The following ABLIM2 variants were observed in gnomAD, a reference collection of about 807,000 sequenced individuals.
The protein encoded by ABLIM2 is actin binding LIM protein family member 2.
ABLIM2 carries 53 observed loss-of-function variants against 97.7 expected under a neutral mutation model. That is an observed-to-expected ratio of 0.54 (90% confidence interval 0.44 to 0.68). The LOEUF is 0.68. Ranked by LOEUF, ABLIM2 falls within the 30% of genes least tolerant of loss-of-function variation. The pLI, the probability that ABLIM2 is intolerant of heterozygous loss-of-function variation, is 0.00. For missense variants in ABLIM2, 835 were observed against 867.2 expected, an observed-to-expected ratio of 0.96 and a Z score of 0.47; for synonymous variants, 361 against 345.8, an observed-to-expected ratio of 1.04 and a Z score of -0.49.
At chr4:8,065,591 C>A (rs1241836659) in intron 6 of ABLIM2, among the ~76,000 whole-genome samples, 1 of 152,134 alleles carries the variant, frequency 6.6e-6, no homozygotes. Flanking sequence ...GAAATTCACT[C>A]TTTGGCATTT....
At chr4:8,060,768 T>C (rs967040256) in intron 7 of ABLIM2, among the ~76,000 whole-genome samples, 199 bp downstream of exon 7, 5 of 152,138 alleles carry the variant, frequency 3.3e-5, no homozygotes, top group African/African-American at 4.8e-5. Context: ...GCTGAGATCA[T>C]TGGACAGACA....
chr4:8,053,001 C>CCT (rs1797014696), intron 8 of ABLIM2, among the ~76,000 whole-genome samples: 1 of 152,196 alleles, frequency 6.6e-6, no homozygotes, highest in African/African-American at 2.4e-5. Context: ...TTAGGGGTGT[C>CCT]CTCAGGTCCT....
chr4:8,029,116 C>T (rs187750439), intron 11 of ABLIM2, among the ~76,000 whole-genome samples: 213 of 152,304 alleles, frequency 1.4e-3, no homozygotes, highest in Non-Finnish European at 1.7e-3. Context: ...GGACCTGTCT[C>T]GGGGCTCTCT....
rs764434718 is a variant in ABLIM2 at position 8,120,016 on chromosome 4, G to A, written c.11-13379C>T. Among the ~76,000 whole-genome samples the A allele has an allele frequency of 1.2e-4, 19 of 152,188 alleles. No homozygotes were observed. Among genetic ancestry groups the A allele is most frequent in the Non-Finnish European group, 7.3e-5 (5 of 68,034 alleles). ...CCTATTTTGAGGCAGGGGTCCATGA[G>A]GACAAAGTCACTCTTGGCCACAAAT... On this transcript the variant is annotated intron_variant, in intron 1 of 20. Transcript: ENST00000447017. This position sits in a 1 kb window ranked among gnomAD's most constrained non-coding sequence, Gnocchi z 5.6.
intron 7 of ABLIM2, among the ~76,000 whole-genome samples, chr4:8,056,672 C>A (rs1479649435): frequency 6.6e-6 from 1 of 151,854 alleles, no homozygotes; most frequent in Non-Finnish European, 1.5e-5. Flanking sequence ...GTGGCTCACA[C>A]CTGTAATCCC....
intron 9 of ABLIM2, among the ~76,000 whole-genome samples, chr4:8,036,623 C>T (rs887081304): frequency 8.5e-5 from 13 of 152,176 alleles, no homozygotes; most frequent in Non-Finnish European, 1.6e-4. Context: ...GTCCTGAGGC[C>T]CAGCCACAAA....
chr4:8,006,036 C>G (rs1206486249), intron 16 of ABLIM2, among the ~76,000 whole-genome samples: 2 of 149,772 alleles, frequency 1.3e-5, no homozygotes, highest in African/African-American at 4.9e-5. Context: ...GCACACATGC[C>G]CTTGCCGCTG....
rs1300771169 is a variant in ABLIM2, at chr4:7,966,546, C to T, written c.*444G>A. ...AGTCTGCCTGTGAGGCCAGGCTGCC[C>T]AGGCTCCGAAGGGCCGTGTGCCCAC... On this transcript the variant is annotated 3_prime_UTR_variant, in exon 21 of 21. Coordinates refer to ENST00000447017, the MANE Select transcript of ABLIM2 (RefSeq NM_001130083.2). The T allele has an allele frequency of 1.8e-5, 3 of 165,240 alleles. No individual in the cohort carries two copies. The highest frequency in any genetic ancestry group is 4.0e-5 in the Non-Finnish European group (3 of 75,744). 10.2% of individuals were successfully genotyped at this position (165,240 alleles called of 1,614,324 possible).
At chr4:7,967,240 C>G (rs1723604202) in intron 20 of ABLIM2, 137 bp from the exon 21 acceptor site, 1 of 717,500 alleles carries the variant, frequency 1.4e-6, no homozygotes, top group African/African-American at 1.7e-5. Flanking sequence ...GCTCGGCCTC[C>G]TGGCGGTTCC....
In ABLIM2 at chr4:8,020,165, A is replaced by G. The variant is rs374237575; in HGVS notation, c.1369+37T>C. On this transcript the variant is annotated intron_variant, in intron 13 of 20. Transcript: ENST00000447017. ...GGCCAGTTTCGGTGTGGACAGTTTCAGTGTAAGGAGCCCAGCCAGCGTGTC... is the reference window on the plus strand; with the variant it reads ...GGCCAGTTTCGGTGTGGACAGTTTCGGTGTAAGGAGCCCAGCCAGCGTGTC... 1,186 of 1,583,882 alleles carry G rather than the reference A, an allele frequency of 7.5e-4. 10 individuals are homozygous for G. The highest frequency in any genetic ancestry group is 6.3e-3 in the South Asian group (544 of 86,838).
rs555351294 is a variant in ABLIM2 at position 8,130,969 on chromosome 4, C to T, written c.11-24332G>A. Among the ~76,000 whole-genome samples, 1 of 152,242 alleles carries T rather than the reference C, an allele frequency of 6.6e-6. No homozygotes were observed. Among genetic ancestry groups the T allele is most frequent in the South Asian group, 2.1e-4 (1 of 4,828 alleles). ...CTAGGGGAGGCTGCCGTTACCTCGC[C>T]CTGCTCTTGGGGCAGCCTGCATTTC... On this transcript the variant is annotated intron_variant, in intron 1 of 20. Transcript: ENST00000447017. The surrounding 1 kb of genome is among the most constrained non-coding windows in gnomAD (Gnocchi z 4.2).
chr4:8,047,309 C>T (rs1247026008), intron 8 of ABLIM2, among the ~76,000 whole-genome samples: 2 of 152,148 alleles, frequency 1.3e-5, no homozygotes, highest in Admixed American at 6.5e-5. Flanking sequence ...TCTCCATGCC[C>T]CGTGTCTCCT....
intron 9 of ABLIM2, among the ~76,000 whole-genome samples, chr4:8,041,982 A>ACAG (rs1788971143): frequency 1.3e-5 from 2 of 152,194 alleles, no homozygotes; most frequent in African/African-American, 4.8e-5. Flanking sequence ...AACAGCAGCA[A>ACAG]CAACAGCAAC....
At position 8,082,449 on chromosome 4, in the gene ABLIM2, T is replaced by G. The variant is rs940269926; in HGVS notation, c.455-1647A>C. Reference sequence around the variant, plus strand: ...AACAGTGAGCATCGGCGAGACCCCCTGTGGGCCTGCTGTGCGGTGAGAGCT... The same window carrying G: ...AACAGTGAGCATCGGCGAGACCCCCGGTGGGCCTGCTGTGCGGTGAGAGCT... On this transcript the variant is annotated intron_variant, in intron 4 of 20. Coordinates refer to ENST00000447017, the MANE Select transcript of ABLIM2 (RefSeq NM_001130083.2). The surrounding 1 kb of genome is among the most constrained non-coding windows in gnomAD (Gnocchi z 5.6). Among the ~76,000 whole-genome samples the G allele has an allele frequency of 1.3e-5, 2 of 152,198 alleles. No homozygotes were observed. The highest frequency in any genetic ancestry group is 2.4e-5 in the African/African-American group (1 of 41,436).
chr4:8,008,935 C>T, intron 15 of ABLIM2, 115 bp downstream of exon 15: 1 of 1,271,522 alleles, frequency 7.9e-7, no homozygotes, highest in South Asian at 1.3e-5. Context: ...CTCGCAGGGC[C>T]CCTAAGGAAC....
intron 7 of ABLIM2, among the ~76,000 whole-genome samples, chr4:8,056,658 T>C (rs1580032297): frequency 6.6e-6 from 1 of 150,942 alleles, no homozygotes; most frequent in Non-Finnish European, 1.5e-5. Flanking sequence ...ACAGGCCGGG[T>C]GCTGTGGCTC....
chr4:8,079,936 G>C (rs1818715931), intron 5 of ABLIM2, among the ~76,000 whole-genome samples: 1 of 152,200 alleles, frequency 6.6e-6, no homozygotes. Flanking sequence ...TGCGCTCAGA[G>C]GAGCTGCCCG....
At position 8,088,217 on chromosome 4, in the gene ABLIM2, G is replaced by A. The variant is rs1294498947; in HGVS notation, c.406C>T (p.Leu136=). ...GCGCTGCTGCCCACCGATACGGGCA[G>A]GGAACACTTCTGGCACATGCATTCC... is the stretch of plus-strand genomic sequence containing the variant. The part of the protein sequence containing the change: ...GKECMCQKCS[L]PVSVGSSAHL... The change falls in exon 4 of 21, where the codon CTG becomes TTG. Residue 136 remains leucine, a synonymous_variant. Transcript: ENST00000447017. 3.7e-6 allele frequency: 6 copies of A among 1,612,824 alleles called. No individual in the cohort carries two copies. In the Admixed American group the frequency reaches 1.0e-4, roughly 27 times the overall value.
chr4:8,043,887 C>A lies in ABLIM2; in HGVS notation c.900+1277G>T, dbSNP rs993875015. Among the ~76,000 whole-genome samples, 2 of 151,602 alleles carry A rather than the reference C, an allele frequency of 1.3e-5. No individual in the cohort carries two copies. On this transcript the variant is annotated intron_variant, in intron 9 of 20. Coordinates refer to ENST00000447017, the MANE Select transcript of ABLIM2 (RefSeq NM_001130083.2). The surrounding 1 kb of genome is among the most constrained non-coding windows in gnomAD (Gnocchi z 4.8). ...GGTCTCCGTGGATTACTGAGGGGCTCCCAGAGGCTCCAGGCGGGCGGCACC... is the reference window on the plus strand; with the variant it reads ...GGTCTCCGTGGATTACTGAGGGGCTACCAGAGGCTCCAGGCGGGCGGCACC...
Sources: allele counts gnomAD v4.1 joint callset (sites outside exome capture counted in the v4.1 genomes callset), GRCh38; gene constraint gnomAD v4.1.1; non-coding constraint Gnocchi (gnomAD v3.1); transcripts MANE v1.5; gene names NCBI Gene and HGNC (gene_info 2026-07-23, HGNC 2026-07-21).